The following ZNF138 variants were observed in gnomAD, a reference collection of about 807,000 sequenced individuals.
The protein encoded by ZNF138 is zinc finger protein 138, also known as zinc finger protein 138 (clone pHZ-32).
ZNF138 carries 33 observed loss-of-function variants against 33.0 expected under a neutral mutation model. The observed-to-expected ratio is 1.00, with a 90% CI of 0.76 to 1.34. The LOEUF is 1.34. Among genes scored for constraint, ZNF138 ranks in the 40% most tolerant of loss-of-function variants. ZNF138 has a pLI of 0.00. For missense variants in ZNF138, 360 were observed against 370.8 expected (o/e 0.97, Z 0.24); for synonymous variants, 139 against 120.4 (o/e 1.15, Z -1.01).
At chr7:64,839,700 C>T in the ZNF138 span, among the ~76,000 whole-genome samples, 5 of 152,236 alleles carry the variant, frequency 3.3e-5, no homozygotes, top group Admixed American at 2.0e-4. Flanking sequence ...GACCGATGGC[C>T]GTGGAGGAGA....
At chr7:64,830,932 C>A in intron 3 of ZNF138, 1 of 1,549,474 alleles carries the variant, frequency 6.5e-7, no homozygotes, top group Non-Finnish European at 8.7e-7. Flanking sequence ...TTCCCTGTCT[C>A]TTTGCAGCTG....
chr7:64,813,726 G>A (rs1002997424), intron 1 of ZNF138, among the ~76,000 whole-genome samples: 2 of 152,088 alleles, frequency 1.3e-5, no homozygotes, highest in African/African-American at 4.8e-5. Flanking sequence ...GAGTCACCCC[G>A]CCTGGCCAAA....
intron 1 of ZNF138, among the ~76,000 whole-genome samples, chr7:64,804,279 A>C (rs1343616706): frequency 1.3e-5 from 2 of 152,168 alleles, no homozygotes; most frequent in African/African-American, 4.8e-5. Context: ...GCACTGTGAA[A>C]ATCCCTGTCC....
chr7:64,852,777 C>G, the ZNF138 span: 1 of 846,330 alleles, frequency 1.2e-6, no homozygotes, highest in Non-Finnish European at 2.1e-6. Context: ...ACCAGCACAT[C>G]CCCTGGTACT....
At chr7:64,807,995 C>G (rs905232618) in intron 1 of ZNF138, among the ~76,000 whole-genome samples, 7 of 152,204 alleles carry the variant, frequency 4.6e-5, no homozygotes, top group Admixed American at 6.5e-5. Context: ...GATCCAGGTT[C>G]TGGAGCTCCG....
At chr7:64,815,540 T>A in intron 2 of ZNF138, 36 bp from the exon 3 acceptor site, 1 of 1,590,886 alleles carries the variant, frequency 6.3e-7, no homozygotes, top group Non-Finnish European at 8.6e-7. Flanking sequence ...ATGTTACTTA[T>A]TTTTAATAAA....
At chr7:64,825,976 C>T (rs775534835) in intron 3 of ZNF138, among the ~76,000 whole-genome samples, 5 of 152,062 alleles carry the variant, frequency 3.3e-5, no homozygotes, top group Non-Finnish European at 5.9e-5. Flanking sequence ...GCTGTTTACA[C>T]GTAAGTACCA....
chr7:64,803,164 A>G (rs564471039), intron 1 of ZNF138, among the ~76,000 whole-genome samples: 1 of 151,526 alleles, frequency 6.6e-6, no homozygotes, highest in African/African-American at 2.4e-5. Flanking sequence ...TATGTAAATC[A>G]TATTAACAGC....
At chr7:64,849,944 C>T in the ZNF138 span, among the ~76,000 whole-genome samples, 8 of 152,292 alleles carry the variant, frequency 5.3e-5, no homozygotes, top group African/African-American at 1.4e-4. Flanking sequence ...ACCCAATTCA[C>T]ACCCTTTCCG....
chr7:64,851,776 A>T, the ZNF138 span, among the ~76,000 whole-genome samples: 1 of 152,270 alleles, frequency 6.6e-6, no homozygotes, highest in African/African-American at 2.4e-5. Flanking sequence ...AAAAGAAATA[A>T]GATTTCTTTT....
chr7:64,807,177 G>A (rs763559307), intron 1 of ZNF138, among the ~76,000 whole-genome samples: 19 of 152,166 alleles, frequency 1.2e-4, no homozygotes, highest in East Asian at 1.9e-4. Flanking sequence ...TAATGAATAC[G>A]TGGGTAAATC....
At chr7:64,859,570 A>G in the ZNF138 span, among the ~76,000 whole-genome samples, 2 of 152,234 alleles carry the variant, frequency 1.3e-5, no homozygotes, top group Admixed American at 6.5e-5. Context: ...TTTCAAATAC[A>G]TTCACCATTA....
downstream of ZNF138, among the ~76,000 whole-genome samples, chr7:64,833,969 A>G (rs1790289765): frequency 6.6e-6 from 1 of 152,116 alleles, no homozygotes; most frequent in African/African-American, 2.4e-5. Context: ...GAAATGATCC[A>G]TACACCTCTG....
In ZNF138 at chr7:64,832,305, A is replaced by G; in HGVS notation, c.*103A>G. ...GTTTTCAACCCTTATTACACATAAG[A>G]TAATTCATAGCGGAGAGAAACCCCA... On this transcript the variant is annotated 3_prime_UTR_variant, in exon 4 of 4. Transcript: ENST00000307355. The G allele has an allele frequency of 6.3e-7, 1 of 1,583,114 alleles. No individual in the cohort carries two copies. The highest frequency in any genetic ancestry group is 8.6e-7 in the Non-Finnish European group (1 of 1,166,930).
chr7:64,808,581 T>TTTC (rs199615933), intron 1 of ZNF138, among the ~76,000 whole-genome samples: 4 of 111,188 alleles, frequency 3.6e-5, no homozygotes, highest in East Asian at 5.1e-4. Context: ...AGTATTTCTG[T>TTTC]TTCTTTTTTT....
chr7:64,840,008 G>C, the ZNF138 span, among the ~76,000 whole-genome samples: 1 of 152,034 alleles, frequency 6.6e-6, no homozygotes, highest in African/African-American at 2.4e-5. Context: ...GGGCGGGGTC[G>C]GTTGAGTTTC....
chr7:64,799,893 C>T (rs1787004426), intron 1 of ZNF138, among the ~76,000 whole-genome samples: 1 of 152,136 alleles, frequency 6.6e-6, no homozygotes, highest in South Asian at 2.1e-4. Flanking sequence ...GGCGATCCAC[C>T]CACCTCGGCC....
chr7:64,830,586 G>T (rs768542158), intron 3 of ZNF138, among the ~76,000 whole-genome samples: 3 of 152,062 alleles, frequency 2.0e-5, no homozygotes, highest in Non-Finnish European at 4.4e-5. Context: ...TCCTCCCAAA[G>T]TGCTGGAATT....
rs1479240624 is a variant in ZNF138, at chr7:64,828,879, A to G, written c.209-2572A>G. Among the ~76,000 whole-genome samples the G allele has an allele frequency of 7.2e-5, 11 of 152,166 alleles. No homozygotes were observed. The East Asian group carries it at 2.1e-3, about 29-fold the overall frequency. ...TCTATTTCTTGAAAACTGCAATGAGAAATTTGGAAAACATTGCATTAAATC... is the reference window on the plus strand; with the variant it reads ...TCTATTTCTTGAAAACTGCAATGAGGAATTTGGAAAACATTGCATTAAATC... On this transcript the variant is annotated intron_variant, in intron 3 of 3. Coordinates refer to ENST00000307355, the MANE Select transcript of ZNF138 (RefSeq NM_001271639.2).
Sources: allele counts gnomAD v4.1 joint callset (sites outside exome capture counted in the v4.1 genomes callset), GRCh38; gene constraint gnomAD v4.1.1; transcripts MANE v1.5; gene names NCBI Gene and HGNC (gene_info 2026-07-23, HGNC 2026-07-21).